The following KLF12 variants were observed in gnomAD, a reference collection of about 807,000 sequenced individuals.
KLF12 encodes the protein Krueppel-like factor 12.
In KLF12, 9 loss-of-function variants were observed where a neutral mutation model predicts 37.8. That is an observed-to-expected ratio of 0.24 (90% CI 0.14 to 0.42). The LOEUF is 0.42. KLF12 is among the 10% of genes least tolerant of loss of function. KLF12 has a pLI of 1.00. For missense variants in KLF12, 411 were observed against 516.0 expected (o/e 0.80, Z 1.97); for synonymous variants, 208 against 202.1 (o/e 1.03, Z -0.25).
chr13:74,058,417 CA>C (rs1873381839), intron 1 of KLF12, among the ~76,000 whole-genome samples: 3 of 137,528 alleles, frequency 2.2e-5, no homozygotes, highest in African/African-American at 8.2e-5. Flanking sequence ...AGTGCAGCGG[CA>C]TCATCTCGGC....
the KLF12 span, among the ~76,000 whole-genome samples, chr13:74,185,277 C>T: frequency 1.3e-5 from 2 of 152,120 alleles, no homozygotes. Flanking sequence ...TCTCCTATCC[C>T]CAAATGGTCT....
the KLF12 span, among the ~76,000 whole-genome samples, chr13:74,223,424 G>A: frequency 3.9e-5 from 6 of 152,086 alleles, no homozygotes; most frequent in African/African-American, 4.8e-5. Context: ...TAGTTCAAAC[G>A]CTTTTGTCTT....
At chr13:73,945,993 C>T (rs1055082594) in intron 2 of KLF12, among the ~76,000 whole-genome samples, 3 of 152,080 alleles carry the variant, frequency 2.0e-5, no homozygotes, top group Admixed American at 1.3e-4. Context: ...CACTGGCTTC[C>T]GAGGTTGGCA....
the KLF12 span, among the ~76,000 whole-genome samples, chr13:74,266,301 A>G: frequency 2.2e-3 from 339 of 152,292 alleles, no homozygotes; most frequent in Middle Eastern, 3.4e-3. Context: ...CTATTTTGAG[A>G]AACAACTCTT....
At chr13:73,901,288 C>T (rs1888028933) in intron 3 of KLF12, among the ~76,000 whole-genome samples, 1 of 151,200 alleles carries the variant, frequency 6.6e-6, no homozygotes, top group African/African-American at 2.5e-5. Flanking sequence ...GCCAAGTAGT[C>T]CACCCACATT....
intron 1 of KLF12, among the ~76,000 whole-genome samples, chr13:74,107,220 T>C (rs1023833172): frequency 6.6e-6 from 1 of 152,188 alleles, no homozygotes; most frequent in Admixed American, 6.5e-5. Context: ...TTTAATACTA[T>C]TGCATTGGAG....
intron 1 of KLF12, among the ~76,000 whole-genome samples, chr13:74,127,575 G>C (rs1052716216): frequency 6.6e-6 from 1 of 152,340 alleles, no homozygotes; most frequent in East Asian, 1.9e-4. Context: ...CATGGAAAGA[G>C]TCTAAATCAG....
chr13:73,919,930 G>T (rs1280178651), intron 3 of KLF12, among the ~76,000 whole-genome samples: 2 of 152,016 alleles, frequency 1.3e-5, no homozygotes, highest in Non-Finnish European at 2.9e-5. Flanking sequence ...TTTCTCCCCT[G>T]AATTTTCTCA....
intron 5 of KLF12, among the ~76,000 whole-genome samples, chr13:73,797,769 CAAAAAA>C (rs34644776): frequency 2.8e-5 from 2 of 71,684 alleles, no homozygotes; most frequent in South Asian, 5.1e-4. Context: ...GATCCTGTCT[CAAAAAA>C]AAAAAAAAAA....
At chr13:73,893,795 G>C (rs1170844998) in intron 3 of KLF12, among the ~76,000 whole-genome samples, 1 of 152,174 alleles carries the variant, frequency 6.6e-6, no homozygotes, top group African/African-American at 2.4e-5. Context: ...CAGGTGCTGT[G>C]CTGGGTAGGT....
intron 2 of KLF12, among the ~76,000 whole-genome samples, chr13:73,958,960 C>T (rs1228574832): frequency 6.6e-6 from 1 of 152,010 alleles, no homozygotes. Flanking sequence ...CAACTAATTG[C>T]TGAAACCTAA....
intron 3 of KLF12, among the ~76,000 whole-genome samples, chr13:73,934,170 G>A (rs889168683): frequency 4.6e-5 from 7 of 151,870 alleles, no homozygotes; most frequent in Non-Finnish European, 2.9e-5. Flanking sequence ...AGTGTTTCTG[G>A]TTCATCTCCA....
At chr13:74,064,027 G>A (rs976218747) in intron 1 of KLF12, among the ~76,000 whole-genome samples, 35 of 150,662 alleles carry the variant, frequency 2.3e-4, no homozygotes, top group African/African-American at 8.5e-4. Context: ...AAATAATTTG[G>A]TTCACTGGTT....
intron 1 of KLF12, among the ~76,000 whole-genome samples, chr13:74,106,552 C>T (rs950485882): frequency 8.5e-5 from 13 of 152,100 alleles, no homozygotes; most frequent in Middle Eastern, 3.2e-3. Context: ...AGCAATAATG[C>T]TATTTTCTGG....
intron 5 of KLF12, among the ~76,000 whole-genome samples, chr13:73,777,855 G>A (rs1880713705): frequency 6.6e-6 from 1 of 151,976 alleles, no homozygotes; most frequent in African/African-American, 2.4e-5. Flanking sequence ...CAGAAGCCTG[G>A]GCACGGTGGC....
chr13:74,060,784 CTAGGCCTTCCAGTACTCTGTTGAA>C (rs1873550171), intron 1 of KLF12, among the ~76,000 whole-genome samples: 1 of 152,146 alleles, frequency 6.6e-6, no homozygotes, highest in Non-Finnish European at 1.5e-5. Flanking sequence ...ATTGCTCTGG[CTAGGCCTTCCAGTACTCTGTTGAA>C]TAGGAGTGGT....
chr13:73,723,627 CT>C (rs1876438323), intron 6 of KLF12, among the ~76,000 whole-genome samples: 1 of 152,184 alleles, frequency 6.6e-6, no homozygotes, highest in South Asian at 2.1e-4. Flanking sequence ...GAGAACAGCA[CT>C]TTATCTTATC....
At chr13:74,266,532 A>G in the KLF12 span, among the ~76,000 whole-genome samples, 1 of 152,200 alleles carries the variant, frequency 6.6e-6, no homozygotes, top group African/African-American at 2.4e-5. Flanking sequence ...CACATGTTAA[A>G]TTGCACAAGG....
intron 1 of KLF12, among the ~76,000 whole-genome samples, chr13:74,041,691 T>TAAAC (rs140080871): frequency 2.1e-5 from 3 of 142,270 alleles, no homozygotes; most frequent in Admixed American, 7.0e-5. Flanking sequence ...ATCGCTGATT[T>TAAAC]ACACACACAC....
Sources: allele counts gnomAD v4.1 joint callset (sites outside exome capture counted in the v4.1 genomes callset), GRCh38; gene constraint gnomAD v4.1.1; transcripts MANE v1.5; gene names NCBI Gene and HGNC (gene_info 2026-07-23, HGNC 2026-07-21).